Variants in LOXL2 observed in about 807,000 individuals in gnomAD.
LOXL2 encodes the protein lysyl oxidase homolog 2.
LOXL2 carries 70 observed loss-of-function variants against 93.0 expected under a neutral mutation model. The ratio of observed to expected loss-of-function variants is 0.75; its 90% CI spans 0.62 to 0.92. The LOEUF (loss-of-function observed/expected upper bound fraction) is 0.92. Ranked by LOEUF, LOXL2 falls within the 40% of genes least tolerant of loss-of-function variation. The pLI is 0.00. For missense variants in LOXL2, 973 were observed against 1,054.9 expected (o/e 0.92, Z 1.08); for synonymous variants, 438 against 413.2 (o/e 1.06, Z -0.73).
chr8:23,374,756 A>T (rs549076419), intron 1 of LOXL2, among the ~76,000 whole-genome samples: 2 of 152,176 alleles, frequency 1.3e-5, no homozygotes, highest in Non-Finnish European at 2.9e-5. Context: ...TTCTTTTGAG[A>T]AGTGTCTGTT....
chr8:23,340,518 G>A (rs1390640680), intron 4 of LOXL2, among the ~76,000 whole-genome samples: 6 of 152,192 alleles, frequency 3.9e-5, no homozygotes, highest in African/African-American at 9.6e-5. Context: ...TGAACTGCAC[G>A]GACCAGTGTC....
chr8:23,348,841 C>A (rs571483549), intron 3 of LOXL2, among the ~76,000 whole-genome samples: 16 of 151,802 alleles, frequency 1.1e-4, no homozygotes, highest in African/African-American at 3.9e-4. Flanking sequence ...CACGACACTG[C>A]ACCCCAGCCT....
chr8:23,298,845 A>C lies in LOXL2; in HGVS notation c.2236T>G (p.Cys746Gly). Residue 746 changes from cysteine (C) to glycine (G), a missense_variant, in exon 13 of 14, where the codon TGC (cysteine) becomes GGC (glycine). Coordinates refer to ENST00000389131, the MANE Select transcript of LOXL2 (RefSeq NM_002318.3). ...YDGHRIWMYN[C>G]HIGGSFSEET... is the part of the protein sequence containing the mutation. The stretch of plus-strand genomic sequence containing the variant: ...GGCGGCCTGGCCTTACCTATGTGGC[A>C]GTTGTACATCCAGATGCGGTGGCCG... 6.2e-7 allele frequency: 1 copy of C among 1,610,310 alleles called. No individual in the cohort carries two copies. Among genetic ancestry groups the C allele is most frequent in the South Asian group, 1.1e-5 (1 of 90,992 alleles).
intron 3 of LOXL2, among the ~76,000 whole-genome samples, chr8:23,349,490 G>A (rs4615578): frequency 0.3 from 45,620 of 151,834 alleles, 9,081 homozygotes; most frequent in African/African-American, 0.57. Flanking sequence ...CATGGTCCTC[G>A]CTGTCATGTG....
intron 12 of LOXL2, 104 bp from the exon 13 acceptor site, chr8:23,299,051 C>A: frequency 1.4e-6 from 1 of 707,232 alleles, no homozygotes; most frequent in Admixed American, 2.1e-5. Flanking sequence ...GGGAGCGTGG[C>A]AGGTGCCGGG....
chr8:23,351,928 C>A (rs1472547412), intron 3 of LOXL2, among the ~76,000 whole-genome samples: 1 of 152,114 alleles, frequency 6.6e-6, no homozygotes, highest in Non-Finnish European at 1.5e-5. Flanking sequence ...TGGGTTCAAG[C>A]GATTCTCGAG....
intron 1 of LOXL2, among the ~76,000 whole-genome samples, chr8:23,376,552 G>C (rs1585377795): frequency 6.6e-6 from 1 of 152,152 alleles, no homozygotes; most frequent in African/African-American, 2.4e-5. Context: ...GAATTCGGCT[G>C]CGAATCTGTC....
chr8:23,340,893 T>A lies in LOXL2; in HGVS notation c.743+99A>T, dbSNP rs954439582. The stretch of plus-strand genomic sequence containing the variant: ...GCAGGGACACCAGCTTGCCTGGCCA[T>A]GCCTGGCCAAGGAAAGGCCACCACC... On this transcript the variant is annotated intron_variant, in intron 4 of 13. Coordinates refer to ENST00000389131, the MANE Select transcript of LOXL2 (RefSeq NM_002318.3). 24 of 1,133,072 alleles carry A rather than the reference T, an allele frequency of 2.1e-5. No individual in the cohort carries two copies. In the African/African-American group the frequency reaches 3.3e-4, roughly 16 times the overall value. The allele number at this position is 1,133,072 out of a possible 1,614,324, so 70.2% of individuals were successfully genotyped here.
intron 4 of LOXL2, among the ~76,000 whole-genome samples, chr8:23,340,043 G>A (rs1439086974): frequency 6.6e-6 from 1 of 152,200 alleles, no homozygotes; most frequent in Non-Finnish European, 1.5e-5. Flanking sequence ...GATTTGGAAG[G>A]AAAGAGACAG....
intron 6 of LOXL2, among the ~76,000 whole-genome samples, chr8:23,324,915 T>A (rs190539444): frequency 6.6e-6 from 1 of 152,342 alleles, no homozygotes; most frequent in African/African-American, 2.4e-5. Context: ...GAGTTTTACA[T>A]GTCACATGCA....
intron 9 of LOXL2, among the ~76,000 whole-genome samples, chr8:23,311,864 G>A (rs1803323555): frequency 6.6e-6 from 1 of 152,142 alleles, no homozygotes; most frequent in African/African-American, 2.4e-5. Context: ...GGAACCTGTC[G>A]GGTAGGTGGT....
chr8:23,368,224 T>A lies in LOXL2; in HGVS notation c.128A>T (p.Glu43Val), dbSNP rs749875743. Residue 43 changes from glutamate to valine, a missense_variant, in exon 2 of 14, where the codon GAG (glutamate) becomes GTG (valine). By Grantham distance (121) the Glu-to-Val change is moderately radical. Coordinates refer to ENST00000389131, the MANE Select transcript of LOXL2 (RefSeq NM_002318.3). The part of the protein sequence containing the change: ...YPEYFQQPAP[E>V]YHQPQAPANV... The stretch of plus-strand genomic sequence containing the variant: ...GGCGGGGGCCTGGGGCTGGTGATAC[T>A]CAGGAGCCGGTTGCTGGAAGTACTC... 1.9e-6 allele frequency: 3 copies of A among 1,613,968 alleles called. No individual in the cohort carries two copies. In the South Asian group the frequency reaches 3.3e-5, roughly 18 times the overall value.
intron 3 of LOXL2, chr8:23,341,525 C>A (rs113521209): frequency 6.9e-6 from 3 of 432,330 alleles, no homozygotes; most frequent in Admixed American, 3.5e-5. Context: ...AGGGCAGCAG[C>A]CTCCTCCTGC....
intron 9 of LOXL2, among the ~76,000 whole-genome samples, chr8:23,314,842 A>G (rs574555891): frequency 2.0e-4 from 30 of 149,502 alleles, no homozygotes; most frequent in African/African-American, 7.7e-4. Context: ...GAAAAAAATA[A>G]AAATAAAAAT....
At position 23,355,512 on chromosome 8, in the gene LOXL2, C is replaced by CTT. The variant is rs58824822; in HGVS notation, c.531+4576_531+4577dup. On this transcript the variant is annotated intron_variant, in intron 3 of 13. Transcript: ENST00000389131. Reference sequence around the variant, plus strand: ...CTATCTGTAAAGCAGTTGACATTCACTTTTTTTTTTTTTTTTTTTTTTTTT... The same window carrying CTT: ...CTATCTGTAAAGCAGTTGACATTCACTTTTTTTTTTTTTTTTTTTTTTTTTTT... Among the ~76,000 whole-genome samples the CTT allele has an allele frequency of 2.3e-3, 181 of 80,302 alleles. 13 individuals are homozygous for CTT. The highest frequency in any genetic ancestry group is 0.013 in the East Asian group (24 of 1,912). 52.7% of individuals were successfully genotyped at this position (80,302 alleles called of 152,430 possible).
intron 10 of LOXL2, among the ~76,000 whole-genome samples, chr8:23,305,815 TTTTG>T (rs2117142480): frequency 7.3e-6 from 1 of 137,362 alleles, no homozygotes; most frequent in Non-Finnish European, 1.6e-5. Context: ...GCTTTTTTGT[TTTTG>T]TTTTTTTTTT....
intron 3 of LOXL2, among the ~76,000 whole-genome samples, chr8:23,351,872 G>A (rs1232304986): frequency 1.3e-5 from 2 of 152,094 alleles, no homozygotes; most frequent in Non-Finnish European, 2.9e-5. Flanking sequence ...ATGGAGTCTC[G>A]CTCTGTTGCC....
chr8:23,309,691 C>A lies in LOXL2; in HGVS notation c.1857G>T (p.Ala619=). Residue 619 remains alanine (A), a synonymous_variant, in exon 10 of 14, where the codon GCG becomes GCT. Coordinates refer to ENST00000389131, the MANE Select transcript of LOXL2 (RefSeq NM_002318.3). ...SDFRPKNGRH[A]WIWHDCHRHY... ...ACCTGTGACAGTCGTGCCAGATCCA[C>A]GCGTGGCGGCCGTTCTTGGGCCGGA... is the stretch of plus-strand genomic sequence containing the variant. 1.3e-6 allele frequency: 2 copies of A among 1,522,166 alleles called. No homozygotes were observed. Among genetic ancestry groups the A allele is most frequent in the Non-Finnish European group, 1.8e-6 (2 of 1,131,620 alleles). 94.3% of individuals were successfully genotyped at this position (1,522,166 alleles called of 1,614,324 possible). A position where few individuals can be genotyped will look rare whatever the true frequency, so the allele number is the denominator to read the frequency against.
intron 3 of LOXL2, among the ~76,000 whole-genome samples, chr8:23,355,512 CTTTTTTTT>C (rs58824822): frequency 6.3e-4 from 51 of 80,322 alleles, no homozygotes; most frequent in African/African-American, 2.4e-3. Context: ...TTGACATTCA[CTTTTTTTT>C]TTTTTTTTTT....
Sources: gnomAD v4.1 joint callset for allele counts (sites outside exome capture counted in the v4.1 genomes callset) on GRCh38, gnomAD v4.1.1 for gene constraint, MANE v1.5 for transcripts, NCBI Gene and HGNC (gene_info 2026-07-23, HGNC 2026-07-21) for gene names.